AGBL1: variants seen among roughly 807,000 people sequenced by gnomAD.
AGBL1 encodes the protein AGBL carboxypeptidase 1.
AGBL1 carries 130 observed loss-of-function variants against 118.9 expected under a neutral mutation model. The ratio of observed to expected loss-of-function variants is 1.09; its 90% confidence interval spans 0.95 to 1.26. The LOEUF (loss-of-function observed/expected upper bound fraction) is 1.26, where lower values mean the gene tolerates loss of function less well. Among genes scored for constraint, AGBL1 ranks in the 50% most tolerant of loss-of-function variants. AGBL1 has a pLI of 0.00. For synonymous variants in AGBL1, 555 were observed against 478.9 expected (o/e 1.16, Z -2.08); for missense variants, 1,584 against 1,298.1 (o/e 1.22, Z -3.38).
chr15:86,868,269 C>T (rs2079663674), intron 22 of AGBL1, among the ~76,000 whole-genome samples: 1 of 152,142 alleles, frequency 6.6e-6, no homozygotes, highest in Admixed American at 6.6e-5. Flanking sequence ...AGCTTCAAAC[C>T]CTGTGAGGTC....
At chr15:86,567,838 C>G (rs1419896817) in intron 21 of AGBL1, among the ~76,000 whole-genome samples, 2 of 152,040 alleles carry the variant, frequency 1.3e-5, no homozygotes, top group Admixed American at 1.3e-4. Context: ...GGGGCATGGT[C>G]CAGGAATCTA....
chr15:86,292,605 G>A (rs981671206), intron 16 of AGBL1, among the ~76,000 whole-genome samples: 2 of 152,278 alleles, frequency 1.3e-5, no homozygotes, highest in East Asian at 1.9e-4. Flanking sequence ...GTGTCTCAAA[G>A]GGCAGAGGGC....
intron 22 of AGBL1, among the ~76,000 whole-genome samples, chr15:86,771,244 A>G (rs2078175649): frequency 6.6e-6 from 1 of 152,084 alleles, no homozygotes; most frequent in Non-Finnish European, 1.5e-5. Context: ...AATTAATCTA[A>G]GTATAAATAG....
At chr15:86,822,004 G>A (rs1332865329) in intron 22 of AGBL1, among the ~76,000 whole-genome samples, 1 of 152,134 alleles carries the variant, frequency 6.6e-6, no homozygotes, top group African/African-American at 2.4e-5. Context: ...CTTCCTGAGA[G>A]ATACAGTGCC....
intron 23 of AGBL1, among the ~76,000 whole-genome samples, chr15:86,982,184 A>G (rs2081237863): frequency 6.6e-6 from 1 of 152,176 alleles, no homozygotes; most frequent in Non-Finnish European, 1.5e-5. Flanking sequence ...ACTTCTTTAT[A>G]TTTAATCATA....
intron 18 of AGBL1, among the ~76,000 whole-genome samples, chr15:86,404,772 C>G (rs571758204): frequency 4.6e-5 from 7 of 152,146 alleles, no homozygotes; most frequent in African/African-American, 1.7e-4. Context: ...CTGTAGATCA[C>G]GGCAATGAGC....
intron 16 of AGBL1, among the ~76,000 whole-genome samples, chr15:86,289,343 C>T (rs1251105806): frequency 1.3e-5 from 2 of 151,790 alleles, no homozygotes; most frequent in African/African-American, 4.8e-5. Context: ...TTCATTTTTT[C>T]ATCCTCAGGG....
intron 21 of AGBL1, among the ~76,000 whole-genome samples, chr15:86,620,878 C>T (rs572187606): frequency 5.3e-5 from 8 of 152,094 alleles, no homozygotes; most frequent in Admixed American, 3.3e-4. Flanking sequence ...TCTCTCTTCA[C>T]GGCTCTTTTT....
At chr15:86,359,665 A>G (rs10220777) in intron 17 of AGBL1, among the ~76,000 whole-genome samples, 77,005 of 151,364 alleles carry the variant, frequency 0.51, 20,429 homozygotes, top group Middle Eastern at 0.61. Flanking sequence ...AATTCTTACA[A>G]TCCTTGAACA....
At chr15:86,448,521 G>T (rs577126183) in intron 18 of AGBL1, among the ~76,000 whole-genome samples, 1 of 152,340 alleles carries the variant, frequency 6.6e-6, no homozygotes, top group South Asian at 2.1e-4. Flanking sequence ...GTCAGTTAAG[G>T]AACAACACTT....
chr15:86,406,654 T>G (rs934513858), intron 18 of AGBL1, among the ~76,000 whole-genome samples: 1 of 152,156 alleles, frequency 6.6e-6, no homozygotes, highest in African/African-American at 2.4e-5. Context: ...TATTAGCAAG[T>G]TGAAGGAGAT....
At chr15:86,878,742 C>T (rs903085487) in intron 22 of AGBL1, among the ~76,000 whole-genome samples, 3 of 152,192 alleles carry the variant, frequency 2.0e-5, no homozygotes, top group Admixed American at 1.3e-4. Context: ...AGTAGGTGCT[C>T]GTTCAATGTT....
chr15:86,422,821 A>G (rs1007592500), intron 18 of AGBL1, among the ~76,000 whole-genome samples: 15 of 152,346 alleles, frequency 9.8e-5, no homozygotes, highest in Non-Finnish European at 1.8e-4. Context: ...AAATACCTCT[A>G]TGCAAATAAA....
At chr15:86,634,214 G>A (rs1384307130) in intron 21 of AGBL1, among the ~76,000 whole-genome samples, 1 of 152,170 alleles carries the variant, frequency 6.6e-6, no homozygotes, top group African/African-American at 2.4e-5. Context: ...ATGGCTGGGT[G>A]TATATGCAAG....
At chr15:86,590,291 G>A (rs995544014) in intron 21 of AGBL1, among the ~76,000 whole-genome samples, 7 of 152,168 alleles carry the variant, frequency 4.6e-5, no homozygotes, top group African/African-American at 1.4e-4. Context: ...CATGTGTCAT[G>A]GAAGACACCC....
intron 22 of AGBL1, among the ~76,000 whole-genome samples, chr15:86,777,772 GT>G (rs1304098013): frequency 1.3e-5 from 2 of 151,908 alleles, no homozygotes; most frequent in Non-Finnish European, 2.9e-5. Flanking sequence ...TACCTCTTCT[GT>G]TTTTTTCTTT....
intron 22 of AGBL1, among the ~76,000 whole-genome samples, chr15:86,896,200 A>G (rs1234515747): frequency 6.6e-6 from 1 of 152,042 alleles, no homozygotes; most frequent in Non-Finnish European, 1.5e-5. Flanking sequence ...TTCAAATATA[A>G]CCATTCTATA....
chr15:86,800,801 C>A (rs1318440674), intron 22 of AGBL1, among the ~76,000 whole-genome samples: 3 of 151,784 alleles, frequency 2.0e-5, no homozygotes, highest in Admixed American at 1.3e-4. Context: ...AGGTCACTTA[C>A]AAAGGTAGAA....
At chr15:86,675,785 T>C (rs997921829) in intron 22 of AGBL1, among the ~76,000 whole-genome samples, 4 of 152,118 alleles carry the variant, frequency 2.6e-5, no homozygotes, top group African/African-American at 4.8e-5. Flanking sequence ...TTTCTCTTTT[T>C]CCCCCTCTCT....
Sources: gnomAD v4.1 joint callset for allele counts (sites outside exome capture counted in the v4.1 genomes callset) on GRCh38, gnomAD v4.1.1 for gene constraint, MANE v1.5 for transcripts, NCBI Gene and HGNC (gene_info 2026-07-23, HGNC 2026-07-21) for gene names.